The following DAP3 variants were observed in gnomAD, a reference collection of about 807,000 sequenced individuals.
The protein encoded by DAP3 is small ribosomal subunit protein mS29.
DAP3 carries 28 observed loss-of-function variants against 51.9 expected under a neutral mutation model. The ratio of observed to expected loss-of-function variants is 0.54; its 90% CI spans 0.40 to 0.74. The LOEUF is 0.74. DAP3 is among the 30% of genes least tolerant of loss of function. The pLI, the probability that DAP3 is intolerant of heterozygous loss-of-function variation, is 0.00. For synonymous variants in DAP3, 170 were observed against 170.3 expected (o/e 1.00, Z 0.01); for missense variants, 458 against 483.5 (o/e 0.95, Z 0.49).
At chr1:155,696,446 T>C (rs1039210478) in intron 1 of DAP3, among the ~76,000 whole-genome samples, 6 of 152,232 alleles carry the variant, frequency 3.9e-5, no homozygotes, top group Non-Finnish European at 5.9e-5. Flanking sequence ...CCTAACAATT[T>C]TTGAAAATCA....
chr1:155,695,862 T>C (rs1324691188), intron 1 of DAP3, among the ~76,000 whole-genome samples: 2 of 152,206 alleles, frequency 1.3e-5, no homozygotes, highest in Non-Finnish European at 2.9e-5. Flanking sequence ...AAAACAATCA[T>C]GGCTCCTTCC....
At chr1:155,688,642 C>T, upstream of DAP3, 1 of 1,534,478 alleles carries the variant, frequency 6.5e-7, no homozygotes, top group South Asian at 1.2e-5. Flanking sequence ...GGCTCCAGCG[C>T]AGGCCCTCAC....
chr1:155,711,477 A>G lies in DAP3; in HGVS notation c.45+1653A>G, dbSNP rs1013010364. Among the ~76,000 whole-genome samples the G allele has an allele frequency of 7.9e-5, 12 of 152,076 alleles. No homozygotes were observed. The East Asian group carries it at 1.2e-3, about 15-fold the overall frequency. On this transcript the variant is annotated intron_variant, in intron 2 of 12. Transcript: ENST00000368336. ...CACTGCACTCTAGCCTGGGCAATAG[A>G]GCGAGACTCCATCTCAAAAGAAAAA...
At chr1:155,714,696 A>G (rs1657121314) in intron 2 of DAP3, among the ~76,000 whole-genome samples, 1 of 152,276 alleles carries the variant, frequency 6.6e-6, no homozygotes, top group African/African-American at 2.4e-5. Flanking sequence ...CAGAGGTTGT[A>G]GTGAGCTGAG....
At chr1:155,698,038 G>A (rs1041689006) in intron 1 of DAP3, among the ~76,000 whole-genome samples, 2 of 152,212 alleles carry the variant, frequency 1.3e-5, no homozygotes, top group African/African-American at 2.4e-5. Flanking sequence ...CCCACAGGCA[G>A]TCAGACTTTA....
intron 4 of DAP3, among the ~76,000 whole-genome samples, chr1:155,723,291 G>A (rs1385792834): frequency 6.6e-6 from 1 of 152,098 alleles, no homozygotes; most frequent in Non-Finnish European, 1.5e-5. Flanking sequence ...GCATCTCAAA[G>A]TGCTGGGATT....
intron 1 of DAP3, among the ~76,000 whole-genome samples, chr1:155,707,594 CAT>C (rs981000023): frequency 3.0e-4 from 45 of 152,166 alleles, no homozygotes; most frequent in African/African-American, 1.0e-3. Context: ...ATATAATACA[CAT>C]GATATGAAAA....
intron 5 of DAP3, 140 bp from the exon 6 acceptor site, chr1:155,725,787 C>G: frequency 4.2e-6 from 3 of 720,616 alleles, no homozygotes; most frequent in Non-Finnish European, 6.9e-6. Flanking sequence ...TCGCTTGAAC[C>G]CGGGAAGCGG....
intron 1 of DAP3, among the ~76,000 whole-genome samples, chr1:155,691,219 C>T (rs1357451497): frequency 1.4e-5 from 2 of 141,880 alleles, no homozygotes; most frequent in Non-Finnish European, 2.9e-5. Context: ...CACTATCGAA[C>T]TTTAGAACAT....
At position 155,725,497 on chromosome 1, in the gene DAP3, T is replaced by C; in HGVS notation, c.379+7T>C. The C allele has an allele frequency of 6.2e-7, 1 of 1,610,822 alleles. No individual in the cohort carries two copies. Among genetic ancestry groups the C allele is most frequent in the Non-Finnish European group, 8.5e-7 (1 of 1,177,000 alleles). ...GCTATACGATATCTTCTGTGTATCC[T>C]TTCCTGCCTGCGTGGACCCTCATGA... On this transcript the variant is annotated splice_region_variant and intron_variant, in intron 5 of 12. Coordinates refer to ENST00000368336, the MANE Select transcript of DAP3 (RefSeq NM_004632.4).
Position 155,729,331 on chromosome 1 carries a change from G to A in DAP3, c.808G>A (p.Gly270Arg). ...VAVDGINALW[G>R]RTTLKREDKS... Reference sequence around the variant, plus strand: ...CGTGGATGGAATCAATGCTCTTTGGGGAAGAACCACTCTGAAAAGAGAAGA... The same window carrying A: ...CGTGGATGGAATCAATGCTCTTTGGAGAAGAACCACTCTGAAAAGAGAAGA... Residue 270 changes from glycine (G) to arginine (R), a missense_variant, in exon 9 of 13, where the codon GGA becomes AGA. Gly to Arg is a moderately radical substitution (Grantham distance 125). Transcript: ENST00000368336. 6.2e-7 allele frequency: 1 copy of A among 1,614,128 alleles called. No individual in the cohort carries two copies. Among genetic ancestry groups the A allele is most frequent in the Non-Finnish European group, 8.5e-7 (1 of 1,180,018 alleles).
At chr1:155,688,885 G>T, upstream of DAP3, 1 of 1,611,440 alleles carries the variant, frequency 6.2e-7, no homozygotes, top group South Asian at 1.1e-5. Context: ...CTTGCCGTTT[G>T]ACTGGAATTG....
chr1:155,689,968 A>G (rs565605283), intron 1 of DAP3, among the ~76,000 whole-genome samples: 2 of 143,092 alleles, frequency 1.4e-5, no homozygotes, highest in South Asian at 4.1e-4. Flanking sequence ...GCTCCTAGGC[A>G]TAGGGAAGGT....
intron 1 of DAP3, among the ~76,000 whole-genome samples, chr1:155,705,049 C>T (rs529847684): frequency 6.6e-5 from 10 of 151,720 alleles, no homozygotes; most frequent in South Asian, 4.2e-4. Flanking sequence ...CCCAGCACTT[C>T]GAGAGGCTGA....
At chr1:155,689,068 G>C, upstream of DAP3, 1 of 1,510,770 alleles carries the variant, frequency 6.6e-7, no homozygotes, top group Non-Finnish European at 8.9e-7. Context: ...GTCGTTTCCT[G>C]CCGGATGACC....
intron 1 of DAP3, 49 bp downstream of exon 1, chr1:155,689,223 G>T: frequency 2.9e-6 from 2 of 695,530 alleles, no homozygotes; most frequent in South Asian, 3.0e-5. Context: ...GGAAAGGAGC[G>T]GGACTCCGGA....
chr1:155,688,454 A>C, upstream of DAP3: 2 of 1,548,408 alleles, frequency 1.3e-6, no homozygotes, highest in Non-Finnish European at 1.7e-6. Context: ...GCTTCGCCCG[A>C]CTCCGGCCAT....
In DAP3 at chr1:155,704,804, AC is replaced by A. The variant is rs202002781; in HGVS notation, c.-7-4966del. Among the ~76,000 whole-genome samples the A allele has an allele frequency of 5.3e-3, 802 of 152,056 alleles. 8 individuals carry two copies. The highest frequency in any genetic ancestry group is 0.019 in the African/African-American group (776 of 41,450). On this transcript the variant is annotated intron_variant, in intron 1 of 12. Coordinates refer to ENST00000368336, the MANE Select transcript of DAP3 (RefSeq NM_004632.4). ...AGAACAGCCTAGCCAACATGGCGAA[AC>A]CCTGTATCTACTAAAAATACAAAAA...
In DAP3 at chr1:155,717,089, G is replaced by A; in HGVS notation, c.129G>A (p.Glu43=). Reference sequence around the variant, plus strand: ...ACCTAGATAACCAGGTTCCAGTTGAGAGTCCGAGAGCTATTTCCCGCACCA... The same window carrying A: ...ACCTAGATAACCAGGTTCCAGTTGAAAGTCCGAGAGCTATTTCCCGCACCA... The part of the protein sequence containing the change: ...AAHLDNQVPV[E]SPRAISRTNE... Residue 43 remains glutamate, a synonymous_variant, in exon 3 of 13, where the codon GAG becomes GAA. Coordinates refer to ENST00000368336, the MANE Select transcript of DAP3 (RefSeq NM_004632.4). The A allele has an allele frequency of 1.9e-6, 3 of 1,614,124 alleles. No individual in the cohort carries two copies. Among genetic ancestry groups the A allele is most frequent in the Non-Finnish European group, 2.5e-6 (3 of 1,180,044 alleles).
Sources: allele counts gnomAD v4.1 joint callset (sites outside exome capture counted in the v4.1 genomes callset), GRCh38; gene constraint gnomAD v4.1.1; transcripts MANE v1.5; gene names NCBI Gene and HGNC (gene_info 2026-07-23, HGNC 2026-07-21).